SLC4A8: variants seen among roughly 807,000 people sequenced by gnomAD.
SLC4A8 encodes solute carrier family 4 member 8.
SLC4A8 carries 40 observed loss-of-function variants against 125.0 expected under a neutral mutation model. The observed-to-expected ratio is 0.32, with a 90% CI of 0.25 to 0.42. The LOEUF (loss-of-function observed/expected upper bound fraction) is 0.42. Among genes scored for constraint, SLC4A8 ranks in the 10% least tolerant of loss-of-function variants. The pLI, the probability that SLC4A8 is intolerant of heterozygous loss-of-function variation, is 1.00. For missense variants in SLC4A8, 863 were observed against 1,355.1 expected (o/e 0.64, Z 5.70); for synonymous variants, 456 against 476.0 (o/e 0.96, Z 0.55).
chr12:51,472,197 T>TA (rs1950718895), intron 14 of SLC4A8, among the ~76,000 whole-genome samples: 1 of 152,226 alleles, frequency 6.6e-6, no homozygotes, highest in South Asian at 2.1e-4. Flanking sequence ...ATTTCTTCTC[T>TA]GGAATAGTAT....
In SLC4A8 at chr12:51,458,592, C is replaced by T. The variant is rs759877594; in HGVS notation, c.797C>T (p.Thr266Ile). 2.5e-6 allele frequency: 4 copies of T among 1,613,804 alleles called. No individual in the cohort carries two copies. The South Asian group carries it at 3.3e-5, about 13-fold the overall frequency. The change falls in exon 7 of 25, where the codon ACA becomes ATA. Residue 266 changes from threonine to isoleucine, a missense_variant. Physicochemically the swap from Thr to Ile is moderately conservative, Grantham distance 89. Transcript: ENST00000453097. ...QTVSPQSVPT[T>I]NLEVKNGVNC... ...GTGTCTCCTCAGTCTGTTCCAACTA[C>T]AAATCTTGAAGTAAAAAATGGAGTG...
chr12:51,460,717 T>G (rs951403506), intron 8 of SLC4A8, among the ~76,000 whole-genome samples: 1 of 152,250 alleles, frequency 6.6e-6, no homozygotes, highest in Non-Finnish European at 1.5e-5. Flanking sequence ...AGGCTATTCA[T>G]GCGCTCTGAA....
At chr12:51,413,210 A>G (rs914306537) in intron 1 of SLC4A8, among the ~76,000 whole-genome samples, 1 of 152,006 alleles carries the variant, frequency 6.6e-6, no homozygotes, top group Non-Finnish European at 1.5e-5. Flanking sequence ...GGCCATTTCT[A>G]TGTCTTCTTT....
At chr12:51,404,879 T>C (rs775362045) in intron 1 of SLC4A8, among the ~76,000 whole-genome samples, 33 of 152,208 alleles carry the variant, frequency 2.2e-4, no homozygotes, top group Non-Finnish European at 4.0e-4. Context: ...CTTGTTTTGA[T>C]TGAAATTTGT....
At chr12:51,432,016 T>C (rs1006172276) in intron 1 of SLC4A8, among the ~76,000 whole-genome samples, 1 of 152,208 alleles carries the variant, frequency 6.6e-6, no homozygotes, top group African/African-American at 2.4e-5. Flanking sequence ...TGTGAGATCT[T>C]AGCCTCAATT....
intron 17 of SLC4A8, among the ~76,000 whole-genome samples, chr12:51,487,208 A>C (rs1471498073): frequency 6.6e-6 from 1 of 152,228 alleles, no homozygotes; most frequent in Non-Finnish European, 1.5e-5. Flanking sequence ...TTCAGGAGGC[A>C]GAGAAGAAGT....
rs561876196 is a variant in SLC4A8 at position 51,417,324 on chromosome 12, C to T, written c.-111-23384C>T. On this transcript the variant is annotated intron_variant, in intron 1 of 24. Transcript: ENST00000358657. ...CTGAGTAGCTGAGACTACAAGTGTG[C>T]AACACCACGGCTGGCTAGTTTTTGA... 2.0e-5 allele frequency among the ~76,000 whole-genome samples: 3 copies of T among 151,940 alleles called. No homozygotes were observed. In the East Asian group the frequency reaches 5.8e-4, roughly 30 times the overall value.
intron 16 of SLC4A8, among the ~76,000 whole-genome samples, chr12:51,476,901 C>CTTTTTTT (rs1950870679): frequency 1.6e-5 from 2 of 127,700 alleles, no homozygotes; most frequent in East Asian, 2.3e-4. Flanking sequence ...TTTTCTTTTT[C>CTTTTTTT]TTTTCTTTTT....
chr12:51,470,603 C>A (rs1950663660), intron 13 of SLC4A8, 78 bp downstream of exon 13: 5 of 1,288,788 alleles, frequency 3.9e-6, no homozygotes, highest in Non-Finnish European at 5.5e-6. Context: ...GGGTTCTACT[C>A]AGTACAGACA....
At chr12:51,411,131 T>C (rs1948590132) in intron 1 of SLC4A8, among the ~76,000 whole-genome samples, 1 of 151,540 alleles carries the variant, frequency 6.6e-6, no homozygotes, top group African/African-American at 2.4e-5. Flanking sequence ...TTTTTATCAA[T>C]GGAGGTTATT....
intron 9 of SLC4A8, 88 bp downstream of exon 9, chr12:51,461,379 A>G: frequency 1.2e-6 from 1 of 800,216 alleles, no homozygotes; most frequent in Non-Finnish European, 2.1e-6. Context: ...GTTATTGGGG[A>G]TAAAATACTT....
At chr12:51,485,750 C>A in intron 16 of SLC4A8, 37 bp from the exon 17 acceptor site, 6 of 1,199,850 alleles carry the variant, frequency 5.0e-6, no homozygotes, top group Non-Finnish European at 6.2e-6. Context: ...CTGTATTTAA[C>A]CTGCCAAAAC....
chr12:51,458,581 T>A lies in SLC4A8; in HGVS notation c.786T>A (p.Ser262=), dbSNP rs1215747395. ...DKHGQTVSPQ[S]VPTTNLEVKN... is the part of the protein sequence containing the mutation. ...TAGGTCAAACCGTGTCTCCTCAGTCTGTTCCAACTACAAATCTTGAAGTAA... is the reference window on the plus strand; with the variant it reads ...TAGGTCAAACCGTGTCTCCTCAGTCAGTTCCAACTACAAATCTTGAAGTAA... The change falls in exon 7 of 25, where the codon TCT becomes TCA. Residue 262 remains serine, a synonymous_variant. Coordinates refer to ENST00000453097, the MANE Select transcript of SLC4A8 (RefSeq NM_001039960.3). 2 of 1,613,662 alleles carry A rather than the reference T, an allele frequency of 1.2e-6. No homozygotes were observed. The highest frequency in any genetic ancestry group is 3.3e-5 in the Admixed American group (2 of 60,030).
chr12:51,488,571 C>CTTT (rs10706140), intron 17 of SLC4A8, 128 bp from the exon 18 acceptor site: 29 of 508,102 alleles, frequency 5.7e-5, no homozygotes, highest in Admixed American at 1.6e-4. Context: ...TATTTCATGC[C>CTTT]TTTTTTTTTT....
intron 2 of SLC4A8, among the ~76,000 whole-genome samples, chr12:51,448,105 G>GTA (rs1949841036): frequency 6.6e-6 from 1 of 152,084 alleles, no homozygotes. Context: ...TGTATAATTG[G>GTA]TATTAAAAGA....
At chr12:51,502,627 T>G (rs1937951964) in intron 22 of SLC4A8, among the ~76,000 whole-genome samples, 1 of 151,362 alleles carries the variant, frequency 6.6e-6, no homozygotes, top group Non-Finnish European at 1.5e-5. Flanking sequence ...TCATCAGACA[T>G]GCAAATCAGA....
chr12:51,444,630 A>G (rs1949713865), intron 2 of SLC4A8, among the ~76,000 whole-genome samples: 1 of 152,206 alleles, frequency 6.6e-6, no homozygotes, highest in African/African-American at 2.4e-5. Flanking sequence ...CCCCTTCTGT[A>G]GTCCCTTTCT....
intron 1 of SLC4A8, chr12:51,392,941 T>C (rs991708366): frequency 1.3e-5 from 2 of 152,188 alleles, no homozygotes; most frequent in African/African-American, 4.8e-5. Flanking sequence ...CTACCACTAG[T>C]TCAGTTTCTC....
intron 22 of SLC4A8, among the ~76,000 whole-genome samples, chr12:51,503,346 G>A (rs958366263): frequency 5.3e-5 from 8 of 150,960 alleles, no homozygotes; most frequent in Admixed American, 5.3e-4. Flanking sequence ...GTCTCAGCTG[G>A]GACTACAGGC....
Sources: gnomAD v4.1 joint callset for allele counts (sites outside exome capture counted in the v4.1 genomes callset) on GRCh38, gnomAD v4.1.1 for gene constraint, MANE v1.5 for transcripts, NCBI Gene and HGNC (gene_info 2026-07-23, HGNC 2026-07-21) for gene names.